GNAO1: variants seen among roughly 807,000 people sequenced by gnomAD.
GNAO1 encodes G protein subunit alpha o1, also known as guanine nucleotide-binding protein G(o) subunit alpha.
For synonymous variants in GNAO1, 164 were observed against 180.7 expected (o/e 0.91, Z 0.74); for missense variants, 166 against 478.7 (o/e 0.35, Z 6.10).
chr16:56,345,391 C>T (rs2037856335), intron 6 of GNAO1: 1 of 985,606 alleles, frequency 1.0e-6, no homozygotes. Context: ...TGCTTAGTCC[C>T]CAGCCAGGCA....
chr16:56,329,037 A>G (rs2037663838), intron 4 of GNAO1: 3 of 492,872 alleles, frequency 6.1e-6, no homozygotes, highest in East Asian at 7.1e-5. Flanking sequence ...GGAAATTCCC[A>G]GAGGGCCGGG....
Position 56,263,051 on chromosome 16 carries a change from C to T in GNAO1, c.162-12880C>T, listed in dbSNP as rs1324349760. Among the ~76,000 whole-genome samples, 4 of 152,336 alleles carry T rather than the reference C, an allele frequency of 2.6e-5. No individual in the cohort carries two copies. The East Asian group carries it at 7.7e-4, about 29-fold the overall frequency. The stretch of plus-strand genomic sequence containing the variant: ...TAGAAACCTGTGAGAACCAAGACAT[C>T]AGGGTTGAAGGAGGGGAACCCATGC... On this transcript the variant is annotated intron_variant, in intron 2 of 8. Transcript: ENST00000262493.
At chr16:56,294,341 T>TAAAAAA (rs377121608) in intron 3 of GNAO1, among the ~76,000 whole-genome samples, 3 of 133,638 alleles carry the variant, frequency 2.2e-5, no homozygotes, top group Non-Finnish European at 3.2e-5. Context: ...GGCTTTGCTT[T>TAAAAAA]AAAAAAAAAA....
intron 2 of GNAO1, among the ~76,000 whole-genome samples, chr16:56,218,587 C>T (rs2036456363): frequency 6.6e-6 from 1 of 152,218 alleles, no homozygotes. Flanking sequence ...GAGAGCTTGA[C>T]AGCAACCCGC....
At chr16:56,194,092 T>C in intron 2 of GNAO1, 1 of 456,446 alleles carries the variant, frequency 2.2e-6, no homozygotes, top group Middle Eastern at 3.3e-4. Flanking sequence ...GGCGGCGCCA[T>C]GATGGTAGGG....
At chr16:56,252,113 G>A (rs538681153) in intron 2 of GNAO1, among the ~76,000 whole-genome samples, 1 of 152,222 alleles carries the variant, frequency 6.6e-6, no homozygotes, top group Non-Finnish European at 1.5e-5. Flanking sequence ...AGGGAATTCT[G>A]TATCAAATGA....
chr16:56,342,848 C>T (rs1477685712), intron 6 of GNAO1, among the ~76,000 whole-genome samples: 2 of 152,214 alleles, frequency 1.3e-5, no homozygotes, highest in Non-Finnish European at 2.9e-5. Flanking sequence ...CATGGTGGCT[C>T]ACACCTGTAA....
At chr16:56,271,421 T>G (rs2037016872) in intron 2 of GNAO1, among the ~76,000 whole-genome samples, 1 of 152,258 alleles carries the variant, frequency 6.6e-6, no homozygotes, top group African/African-American at 2.4e-5. Flanking sequence ...AAAGAAATTA[T>G]GTTTGCAGGA....
rs1385346593 is a variant in GNAO1 at position 56,344,157 on chromosome 16, G to A, written c.724-7227G>A. 11 of 1,434,598 alleles carry A rather than the reference G, an allele frequency of 7.7e-6. No homozygotes were observed. In the South Asian group the frequency reaches 1.0e-4, roughly 14 times the overall value. 88.9% of individuals were successfully genotyped at this position (1,434,598 alleles called of 1,614,324 possible). A position where few individuals can be genotyped will look rare whatever the true frequency, so the allele number is the denominator to read the frequency against. ...CGCAGGGGCGGGGCGGGGCTGCTGA[G>A]TGCATGCTGCAAGGCCAGGAGACTC... On this transcript the variant is annotated intron_variant, in intron 6 of 8. Coordinates refer to ENST00000262493, the MANE Select transcript of GNAO1 (RefSeq NM_020988.3).
At chr16:56,297,224 A>C (rs1273464795) in intron 3 of GNAO1, among the ~76,000 whole-genome samples, 1 of 152,128 alleles carries the variant, frequency 6.6e-6, no homozygotes, top group Non-Finnish European at 1.5e-5. Flanking sequence ...CAGAAACATT[A>C]ATATCTCTAA....
At chr16:56,217,794 C>T (rs142935310) in intron 2 of GNAO1, among the ~76,000 whole-genome samples, 111 of 152,282 alleles carry the variant, frequency 7.3e-4, no homozygotes, top group African/African-American at 2.5e-3. Context: ...ATCCTGAGAG[C>T]TTTCCTAAAG....
At chr16:56,269,265 T>C (rs566986874) in intron 2 of GNAO1, among the ~76,000 whole-genome samples, 5 of 152,166 alleles carry the variant, frequency 3.3e-5, no homozygotes, top group African/African-American at 9.7e-5. Flanking sequence ...TTTTCTCCAC[T>C]GTGGCTTGTT....
At chr16:56,332,360 G>A (rs1180876693) in intron 4 of GNAO1, among the ~76,000 whole-genome samples, 6 of 152,036 alleles carry the variant, frequency 3.9e-5, no homozygotes, top group Non-Finnish European at 7.4e-5. Flanking sequence ...TTTCCACTGG[G>A]CCACTCGAGG....
chr16:56,347,988 G>A, intron 6 of GNAO1: 2 of 981,052 alleles, frequency 2.0e-6, no homozygotes, highest in Non-Finnish European at 2.4e-6. Flanking sequence ...GTGGGCTCGG[G>A]CGTCCCAGGC....
In GNAO1 at chr16:56,357,041, A is replaced by T. The variant is rs562888214; in HGVS notation, c.*967A>T. 5 of 150,770 alleles carry T rather than the reference A, an allele frequency of 3.3e-5. No homozygotes were observed. Among genetic ancestry groups the T allele is most frequent in the South Asian group, 2.1e-4 (1 of 4,686 alleles). 9.3% of individuals were successfully genotyped at this position (150,770 alleles called of 1,614,324 possible). ...ACAAAAAGAACAAAAAAAAATTTTT[A>T]AATACCACAAGATGGAAAAAAAAAA... On this transcript the variant is annotated 3_prime_UTR_variant, in exon 9 of 9. Transcript: ENST00000262493.
chr16:56,226,281 T>C (rs959541743), intron 2 of GNAO1: 2 of 152,156 alleles, frequency 1.3e-5, no homozygotes, highest in Non-Finnish European at 2.9e-5. Flanking sequence ...TTAGAGTCAA[T>C]AGGGCCTACT....
rs1347980461 is a variant in GNAO1, at chr16:56,208,440, TGTGTGTGTGC to T, written c.161+15826_161+15835del. Among the ~76,000 whole-genome samples the T allele has an allele frequency of 2.7e-3, 288 of 105,900 alleles. 3 individuals are homozygous for T. Among genetic ancestry groups the T allele is most frequent in the Admixed American group, 0.017 (180 of 10,618 alleles). The allele number at this position is 105,900 out of a possible 152,430, so 69.5% of individuals were successfully genotyped here. ...ATCAATGTGTGTGTGTGTGTGTGTG[TGTGTGTGTGC>T]GCGCGCGCGCACGTGTGTGTGTGTG... On this transcript the variant is annotated intron_variant, in intron 2 of 8. Coordinates refer to ENST00000262493, the MANE Select transcript of GNAO1 (RefSeq NM_020988.3).
chr16:56,257,006 G>A (rs1435118959), intron 2 of GNAO1, among the ~76,000 whole-genome samples: 1 of 152,114 alleles, frequency 6.6e-6, no homozygotes, highest in Admixed American at 6.5e-5. Context: ...TTCTCTTTTA[G>A]TTCTTCTAAT....
chr16:56,281,577 C>T (rs2037114954), intron 3 of GNAO1, among the ~76,000 whole-genome samples: 1 of 151,866 alleles, frequency 6.6e-6, no homozygotes, highest in Admixed American at 6.6e-5. Context: ...CTCCTCCCTC[C>T]TTCTCAGTCC....
Sources: allele counts gnomAD v4.1 joint callset (sites outside exome capture counted in the v4.1 genomes callset), GRCh38; gene constraint gnomAD v4.1.1; transcripts MANE v1.5; gene names NCBI Gene and HGNC (gene_info 2026-07-23, HGNC 2026-07-21).